INCA1: variants seen among roughly 807,000 people sequenced by gnomAD.
INCA1 encodes inhibitor of CDK, cyclin A1 interacting protein 1, also known as protein INCA1.
Under a neutral mutation model 25.7 loss-of-function variants are expected in INCA1, and 28 were observed. The ratio of observed to expected loss-of-function variants is 1.09; its 90% CI spans 0.81 to 1.49. The LOEUF (loss-of-function observed/expected upper bound fraction) is 1.49, where lower values mean the gene tolerates loss of function less well. Among genes scored for constraint, INCA1 ranks in the 40% most tolerant of loss-of-function variants. The pLI is 0.00. For synonymous variants in INCA1, 111 were observed against 103.6 expected, an observed-to-expected ratio of 1.07 and a Z score of -0.43; for missense variants, 309 against 290.9, an observed-to-expected ratio of 1.06 and a Z score of -0.45.
At chr17:4,990,154 G>T (rs958069068) in exon 3 of INCA1, 2 of 1,614,126 alleles carry the variant, frequency 1.2e-6, no homozygotes, top group Non-Finnish European at 1.7e-6. Context: ...CTACTCACGT[G>T]GGCCTTTGAT....
intron 1 of INCA1, among the ~76,000 whole-genome samples, chr17:4,995,197 C>CT (rs1291864138): frequency 6.7e-6 from 1 of 149,042 alleles, no homozygotes; most frequent in Non-Finnish European, 1.5e-5. Flanking sequence ...GAGCAAGACT[C>CT]TGTCTCAAAA....
intron 2 of INCA1, among the ~76,000 whole-genome samples, 167 bp downstream of exon 2, chr17:4,994,227 T>C (rs79261759): frequency 0.031 from 4,655 of 152,280 alleles, 226 homozygotes; most frequent in African/African-American, 0.11. Flanking sequence ...CCCTGGAACA[T>C]TGTAGTGTTC....
Position 4,988,661 on chromosome 17 carries a change from GTTAT to G in INCA1, c.562-111_562-108del, listed in dbSNP as rs1973552947. On this transcript the variant is annotated intron_variant, in intron 6 of 6. Transcript: ENST00000576820. ...CTCGAAGTCTCTGGTTCTCACCTAC[GTTAT>G]TTTTGTTTCTCTCAAATCCAGCTCT... 1.9e-6 allele frequency: 3 copies of G among 1,557,950 alleles called. No homozygotes were observed. In the Admixed American group the frequency reaches 5.6e-5, roughly 29 times the overall value.
intron 2 of INCA1, among the ~76,000 whole-genome samples, chr17:4,991,505 G>A (rs897071157): frequency 1.3e-5 from 2 of 152,158 alleles, no homozygotes; most frequent in African/African-American, 4.8e-5. Context: ...AGCTGTTTGA[G>A]AACACTGCTC....
At chr17:4,996,656 G>C (rs1392544256) in intron 1 of INCA1, among the ~76,000 whole-genome samples, 2 of 100,642 alleles carry the variant, frequency 2.0e-5, no homozygotes, top group Non-Finnish European at 3.6e-5. Flanking sequence ...AACAGAGCAA[G>C]ACTCCGTCTC....
intron 2 of INCA1, among the ~76,000 whole-genome samples, chr17:4,992,919 G>A (rs1200914332): frequency 1.3e-5 from 2 of 151,880 alleles, no homozygotes; most frequent in Non-Finnish European, 2.9e-5. Flanking sequence ...CACTCTTGTC[G>A]CCCAGGCTGG....
exon 5 of INCA1, chr17:4,989,570 G>C (rs1025400373): frequency 1.2e-6 from 2 of 1,614,212 alleles, no homozygotes; most frequent in African/African-American, 1.3e-5. Context: ...AGCATTTCAG[G>C]GGGTGGGAGC....
intron 2 of INCA1, among the ~76,000 whole-genome samples, chr17:4,991,445 T>C (rs1367034613): frequency 6.6e-6 from 1 of 152,218 alleles, no homozygotes; most frequent in Non-Finnish European, 1.5e-5. Flanking sequence ...TTACTTCATT[T>C]GTCTCCCCAT....
chr17:4,992,652 CCT>C (rs71147099), intron 2 of INCA1, among the ~76,000 whole-genome samples: 60,069 of 146,476 alleles, frequency 0.41, 13,516 homozygotes, highest in Non-Finnish European at 0.53. Context: ...CCTCCCCTCC[CCT>C]CTTTTCCTTT....
rs761264162 is a variant in INCA1 at position 4,988,805 on chromosome 17, G to T, written c.535C>A (p.Arg179Ser). The change falls in exon 6 of 7, where the codon CGT (arginine) becomes AGT (serine). Residue 179 changes from arginine to serine, a missense_variant. Transcript: ENST00000576820. ...TGGGCCCTGCCAGGAGTGAGAAAAC[G>T]GTCCTCTTCCTGTGGATAGGTTGCT... is the stretch of plus-strand genomic sequence containing the variant. 3 of 1,614,122 alleles carry T rather than the reference G, an allele frequency of 1.9e-6. No homozygotes were observed. The highest frequency in any genetic ancestry group is 1.7e-5 in the Admixed American group (1 of 60,014).
chr17:4,991,093 T>C (rs754346697), intron 2 of INCA1, among the ~76,000 whole-genome samples: 7 of 151,584 alleles, frequency 4.6e-5, no homozygotes, highest in African/African-American at 7.3e-5. Flanking sequence ...CAATTTTGTA[T>C]TTTTAGTAGA....
At position 4,988,631 on chromosome 17, in the gene INCA1, G is replaced by A. The variant is rs573654744; in HGVS notation, c.562-77C>T. On this transcript the variant is annotated intron_variant, in intron 6 of 6. Coordinates refer to ENST00000576820, the Ensembl canonical transcript of INCA1. ...CCAGATTTCCTAGTACCCAAGCTTA[G>A]GTACCTCGAAGTCTCTGGTTCTCAC... is the stretch of plus-strand genomic sequence containing the variant. The A allele has an allele frequency of 3.0e-4, 478 of 1,582,220 alleles. 1 individual carries two copies. The highest frequency in any genetic ancestry group is 3.2e-4 in the Non-Finnish European group (370 of 1,162,048).
intron 1 of INCA1, chr17:4,996,955 G>A (rs1376252777): frequency 6.5e-6 from 1 of 153,184 alleles, no homozygotes; most frequent in African/African-American, 2.4e-5. Context: ...GGAGCAGCGG[G>A]AGCTGCGGGG....
chr17:4,993,127 G>A lies in INCA1; in HGVS notation c.44+1267C>T, dbSNP rs1028993140. ...ACCCCTGACCTAAGGTAATCCGCCC[G>A]CCTTGGCCTCCCAAAGTGCTCGGAT... On this transcript the variant is annotated intron_variant, in intron 2 of 6. Coordinates refer to ENST00000576820, the Ensembl canonical transcript of INCA1. Among the ~76,000 whole-genome samples the A allele has an allele frequency of 5.3e-5, 8 of 151,110 alleles. No homozygotes were observed. The East Asian group carries it at 7.9e-4, about 15-fold the overall frequency.
At chr17:4,993,870 C>T (rs945391510) in intron 2 of INCA1, among the ~76,000 whole-genome samples, 2 of 146,028 alleles carry the variant, frequency 1.4e-5, no homozygotes, top group African/African-American at 5.1e-5. Context: ...CTCCTGGGTT[C>T]AAGCAATTCT....
intron 2 of INCA1, among the ~76,000 whole-genome samples, chr17:4,990,789 A>G (rs910772307): frequency 1.3e-5 from 2 of 150,708 alleles, no homozygotes; most frequent in African/African-American, 4.9e-5. Flanking sequence ...AGGCTGAGGC[A>G]GGAGAATCAC....
intron 1 of INCA1, among the ~76,000 whole-genome samples, chr17:4,996,482 G>A (rs1379697053): frequency 6.6e-6 from 1 of 151,516 alleles, no homozygotes; most frequent in East Asian, 1.9e-4. Context: ...AGGAGTTCGA[G>A]ACCAGCCTGG....
intron 2 of INCA1, among the ~76,000 whole-genome samples, chr17:4,992,335 T>C (rs1973926892): frequency 6.6e-6 from 1 of 152,182 alleles, no homozygotes. Context: ...CAGGCTGGAG[T>C]GCAGTGACCC....
At chr17:4,988,288 T>C in exon 7 of INCA1, 5 of 1,179,106 alleles carry the variant, frequency 4.2e-6, no homozygotes, top group Admixed American at 2.8e-5. Flanking sequence ...GGAAAGGCAG[T>C]TGGAGAGACG....
Sources: gnomAD v4.1 joint callset for allele counts (sites outside exome capture counted in the v4.1 genomes callset) on GRCh38, gnomAD v4.1.1 for gene constraint, MANE v1.5 for transcripts, NCBI Gene and HGNC (gene_info 2026-07-23, HGNC 2026-07-21) for gene names.